Variants in CCDC192 observed in about 807,000 individuals in gnomAD.
CCDC192 encodes the protein coiled-coil domain-containing protein 192.
At chr5:127,917,518 T>A (rs1477990957) in intron 6 of CCDC192, among the ~76,000 whole-genome samples, 1 of 152,188 alleles carries the variant, frequency 6.6e-6, no homozygotes, top group Non-Finnish European at 1.5e-5. Flanking sequence ...TCCTTTCACT[T>A]GAACACTTAA....
At chr5:127,764,736 C>T (rs2126896227) in intron 3 of CCDC192, among the ~76,000 whole-genome samples, 1 of 150,862 alleles carries the variant, frequency 6.6e-6, no homozygotes, top group South Asian at 2.1e-4. Flanking sequence ...AGCTGATGAG[C>T]TAAAAAAAAA....
intron 3 of CCDC192, among the ~76,000 whole-genome samples, chr5:127,773,745 G>A (rs570820884): frequency 2.0e-5 from 3 of 152,154 alleles, no homozygotes; most frequent in Admixed American, 2.0e-4. Flanking sequence ...ATATTTTGTG[G>A]GTGTAAGTGT....
intron 5 of CCDC192, among the ~76,000 whole-genome samples, chr5:127,820,574 T>A (rs147889137): frequency 1.2e-3 from 184 of 152,264 alleles, no homozygotes; most frequent in African/African-American, 4.0e-3. Flanking sequence ...AGAGTGAGAC[T>A]CCATCTCAAA....
At chr5:127,836,568 G>T (rs1319121587) in intron 5 of CCDC192, among the ~76,000 whole-genome samples, 2 of 152,188 alleles carry the variant, frequency 1.3e-5, no homozygotes, top group African/African-American at 4.8e-5. Flanking sequence ...TGGACATCCA[G>T]GCATTTTCAT....
At chr5:127,762,076 A>G (rs1349615673) in intron 3 of CCDC192, among the ~76,000 whole-genome samples, 6 of 151,936 alleles carry the variant, frequency 3.9e-5, no homozygotes, top group Non-Finnish European at 8.8e-5. Context: ...TTCATTGTTT[A>G]TATGCAACAG....
intron 5 of CCDC192, among the ~76,000 whole-genome samples, chr5:127,827,956 G>C (rs1376555748): frequency 1.3e-5 from 2 of 152,102 alleles, no homozygotes. Flanking sequence ...GCCCAGACTG[G>C]AGTGCAGTGG....
chr5:127,703,771 A>G (rs567171349), intron 1 of CCDC192, among the ~76,000 whole-genome samples: 1 of 152,226 alleles, frequency 6.6e-6, no homozygotes, highest in South Asian at 2.1e-4. Flanking sequence ...TCTAAAAATC[A>G]CACACTCACC....
chr5:127,727,307 T>A (rs994903979), intron 2 of CCDC192, among the ~76,000 whole-genome samples: 1 of 151,874 alleles, frequency 6.6e-6, no homozygotes, highest in African/African-American at 2.4e-5. Context: ...ACCCCATCTC[T>A]ACTAAAAATA....
intron 5 of CCDC192, among the ~76,000 whole-genome samples, chr5:127,842,355 T>C (rs967970849): frequency 3.3e-5 from 5 of 152,202 alleles, no homozygotes; most frequent in African/African-American, 1.2e-4. Flanking sequence ...GTAGCTGGGA[T>C]GACAGGTGTG....
chr5:127,933,824 C>T (rs1754118389), intron 6 of CCDC192, among the ~76,000 whole-genome samples: 1 of 152,186 alleles, frequency 6.6e-6, no homozygotes, highest in African/African-American at 2.4e-5. Context: ...TTGAGGGAGC[C>T]TATTGGCTTT....
chr5:127,903,985 T>C (rs1753129934), intron 6 of CCDC192, among the ~76,000 whole-genome samples: 1 of 152,196 alleles, frequency 6.6e-6, no homozygotes, highest in Non-Finnish European at 1.5e-5. Context: ...TCAGGGACTT[T>C]GCAGATGTGG....
intron 3 of CCDC192, among the ~76,000 whole-genome samples, chr5:127,780,158 C>T (rs927527447): frequency 7.9e-5 from 12 of 151,714 alleles, no homozygotes; most frequent in African/African-American, 1.2e-4. Flanking sequence ...CACATATATA[C>T]GTATACGCAC....
At chr5:127,724,210 C>A (rs373804188) in intron 2 of CCDC192, among the ~76,000 whole-genome samples, 40 of 152,086 alleles carry the variant, frequency 2.6e-4, no homozygotes, top group Non-Finnish European at 4.7e-4. Context: ...ATGTTTATTA[C>A]AATATAATAT....
intron 6 of CCDC192, among the ~76,000 whole-genome samples, chr5:127,906,001 A>G (rs1357125401): frequency 6.6e-6 from 1 of 152,324 alleles, no homozygotes; most frequent in East Asian, 1.9e-4. Flanking sequence ...TCTTTTTTTT[A>G]TAACTGTTTT....
chr5:127,883,050 C>T (rs1204449310), intron 6 of CCDC192, among the ~76,000 whole-genome samples: 3 of 152,196 alleles, frequency 2.0e-5, no homozygotes, highest in Non-Finnish European at 2.9e-5. Context: ...GCTGGGACTT[C>T]GTCAAAAACC....
At chr5:127,918,743 A>C (rs1753602230) in intron 6 of CCDC192, among the ~76,000 whole-genome samples, 1 of 152,076 alleles carries the variant, frequency 6.6e-6, no homozygotes, top group Non-Finnish European at 1.5e-5. Flanking sequence ...TGAATGTATT[A>C]TTTTAGCTGG....
At chr5:127,749,562 T>G (rs1180422490) in intron 2 of CCDC192, among the ~76,000 whole-genome samples, 3,082 of 151,444 alleles carry the variant, frequency 0.02, 100 homozygotes, top group African/African-American at 0.071. Flanking sequence ...AAGGATATTG[T>G]TCTAAAATTC....
chr5:127,825,244 G>A (rs1749473821), intron 5 of CCDC192, among the ~76,000 whole-genome samples: 1 of 152,156 alleles, frequency 6.6e-6, no homozygotes, highest in Non-Finnish European at 1.5e-5. Context: ...TAACAGTTCA[G>A]AGAAACAGTC....
At chr5:127,900,101 C>A (rs1444656817) in intron 6 of CCDC192, among the ~76,000 whole-genome samples, 1 of 151,224 alleles carries the variant, frequency 6.6e-6, no homozygotes, top group Admixed American at 6.6e-5. Flanking sequence ...CGGAAAGAAT[C>A]AGAAAAACTA....
Sources: allele counts gnomAD v4.1 joint callset (sites outside exome capture counted in the v4.1 genomes callset), GRCh38; gene constraint gnomAD v4.1.1; transcripts MANE v1.5; gene names NCBI Gene and HGNC (gene_info 2026-07-23, HGNC 2026-07-21).